Variants in ZFYVE26 observed in about 807,000 individuals in gnomAD.
ZFYVE26 encodes zinc finger FYVE domain-containing protein 26.
A neutral mutation model predicts 276.5 loss-of-function variants in ZFYVE26; 181 were observed. The observed-to-expected ratio is 0.65, with a 90% confidence interval of 0.58 to 0.74. The LOEUF (loss-of-function observed/expected upper bound fraction) is 0.74. ZFYVE26 is among the 30% of genes least tolerant of loss of function. The pLI is 0.00. For missense variants in ZFYVE26, 2,821 were observed against 3,097.9 expected, an observed-to-expected ratio of 0.91 and a Z score of 2.12; for synonymous variants, 1,129 against 1,203.1, an observed-to-expected ratio of 0.94 and a Z score of 1.27.
At chr14:67,738,235 A>G (rs2038374080) in intron 13 of ZFYVE26, among the ~76,000 whole-genome samples, 1 of 151,754 alleles carries the variant, frequency 6.6e-6, no homozygotes, top group Non-Finnish European at 1.5e-5. Context: ...GGCATTGTTC[A>G]TATTAGCAAA....
At position 67,804,086 on chromosome 14, in the gene ZFYVE26, T is replaced by C; in HGVS notation, c.1435+15A>G. On this transcript the variant is annotated intron_variant, in intron 9 of 41. Coordinates refer to ENST00000347230, the MANE Select transcript of ZFYVE26 (RefSeq NM_015346.4). ...TAAGAGGAAATCCTGGCCAGGTCAT[T>C]CCATCCCAACTCACCAGGCTCTTGC... is the stretch of plus-strand genomic sequence containing the variant. 6.2e-7 allele frequency: 1 copy of C among 1,613,838 alleles called. No individual in the cohort carries two copies. The highest frequency in any genetic ancestry group is 8.5e-7 in the Non-Finnish European group (1 of 1,180,018).
chr14:67,774,393 G>A (rs1293042551), intron 27 of ZFYVE26, among the ~76,000 whole-genome samples: 2 of 152,188 alleles, frequency 1.3e-5, no homozygotes, highest in African/African-American at 2.4e-5. Flanking sequence ...CAGCTACTCG[G>A]GAGGCTTAGG....
At chr14:67,757,640 GTCTTTCTTTCTTTCTTTCTTTCTTTCTT>G (rs57285258) in intron 35 of ZFYVE26, among the ~76,000 whole-genome samples, 42 of 149,018 alleles carry the variant, frequency 2.8e-4, no homozygotes, top group African/African-American at 9.5e-4. Context: ...AGATATTTTT[GTCTTTCTTTCTTTCTTTCTTTCTTTCTT>G]TCTTTCTTTC....
At chr14:67,738,133 T>G (rs2038372870) in intron 13 of ZFYVE26, among the ~76,000 whole-genome samples, 1 of 152,092 alleles carries the variant, frequency 6.6e-6, no homozygotes, top group Non-Finnish European at 1.5e-5. Context: ...TATACACTGC[T>G]GCTATGAGTG....
chr14:67,782,634 C>G (rs2140222269), intron 21 of ZFYVE26, 146 bp downstream of exon 21: 1 of 1,368,796 alleles, frequency 7.3e-7, no homozygotes, highest in African/African-American at 1.4e-5. Context: ...TTTCCTAACC[C>G]CTCTGAGACC....
chr14:67,803,401 G>C (rs773833363), intron 9 of ZFYVE26, among the ~76,000 whole-genome samples: 144 of 152,230 alleles, frequency 9.5e-4, no homozygotes, highest in Admixed American at 1.7e-3. Context: ...GAGTACAGTG[G>C]CACCATCTTG....
intron 18 of ZFYVE26, among the ~76,000 whole-genome samples, chr14:67,785,608 G>C (rs2039628653): frequency 6.6e-6 from 1 of 151,134 alleles, no homozygotes; most frequent in Admixed American, 6.6e-5. Flanking sequence ...CTAAGCACCT[G>C]CTGGCTGTAT....
rs1377743038 is a variant in ZFYVE26, at chr14:67,729,241, C to G, written n.3258G>C. The stretch of plus-strand genomic sequence containing the variant: ...GCACCCAGGCGTCGTCCGCTCTGAG[C>G]TGGTCCGGCACTCCTCCCTGCTCTG... On this transcript the variant is annotated non_coding_transcript_exon_variant, in exon 14 of 15. Transcript: ENST00000394455. The G allele has an allele frequency of 4.3e-6, 7 of 1,610,556 alleles. No homozygotes were observed. Among genetic ancestry groups the G allele is most frequent in the Non-Finnish European group, 5.9e-6 (7 of 1,180,000 alleles).
intron 3 of ZFYVE26, 119 bp from the exon 4 acceptor site, chr14:67,809,408 CTTTTTTTTTTTTTT>C: frequency 4.8e-6 from 1 of 208,310 alleles, no homozygotes; most frequent in Non-Finnish European, 8.0e-6. Context: ...ATGAAGCACT[CTTTTTTTTTTTTTT>C]TTTTTTTTTT....
Position 67,777,442 on chromosome 14 carries a change from G to C in ZFYVE26, c.4974+117C>G, listed in dbSNP as rs973799141. ...GGCAAAAGAGCCATTGAAAAGGCAA[G>C]TTCTGAAGAAGAGCTAGGCTCGCAG... On this transcript the variant is annotated intron_variant, in intron 25 of 41. Coordinates refer to ENST00000347230, the MANE Select transcript of ZFYVE26 (RefSeq NM_015346.4). 7.8e-6 allele frequency: 12 copies of C among 1,547,102 alleles called. No homozygotes were observed. In the Admixed American group the frequency reaches 1.0e-4, roughly 13 times the overall value.
rs1594886257 is a variant in ZFYVE26 at position 67,756,199 on chromosome 14, T to G, written c.6589-54A>C. On this transcript the variant is annotated intron_variant, in intron 35 of 41. Coordinates refer to ENST00000347230, the MANE Select transcript of ZFYVE26 (RefSeq NM_015346.4). ...AGTCTTGAGCCTGGTTCTGGCACTGTCTGGGATCCACTCTGAATTTCCTTC... is the reference window on the plus strand; with the variant it reads ...AGTCTTGAGCCTGGTTCTGGCACTGGCTGGGATCCACTCTGAATTTCCTTC... 4 of 1,579,698 alleles carry G rather than the reference T, an allele frequency of 2.5e-6. No homozygotes were observed. In the East Asian group the frequency reaches 8.9e-5, roughly 35 times the overall value.
rs764236139 is a variant in ZFYVE26 at position 67,783,039 on chromosome 14, C to A, written c.4113G>T (p.Leu1371=). 1.2e-6 allele frequency: 2 copies of A among 1,614,214 alleles called. No homozygotes were observed. Among genetic ancestry groups the A allele is most frequent in the South Asian group, 1.1e-5 (1 of 91,084 alleles). The part of the protein sequence containing the change: ...EQFPLFEAFL[L]AAWEPLRGSL... ...ACCCTCGCAGGGGCTCCCAGGCAGCCAGGAGGAAGGCCTCAAACAGAGGGA... is the reference window on the plus strand; with the variant it reads ...ACCCTCGCAGGGGCTCCCAGGCAGCAAGGAGGAAGGCCTCAAACAGAGGGA... Residue 1371 remains leucine (L), a synonymous_variant, in exon 21 of 42, where the codon CTG becomes CTT. Coordinates refer to ENST00000347230, the MANE Select transcript of ZFYVE26 (RefSeq NM_015346.4).
intron 13 of ZFYVE26, among the ~76,000 whole-genome samples, chr14:67,730,831 T>C (rs1785451065): frequency 6.6e-6 from 1 of 152,198 alleles, no homozygotes; most frequent in African/African-American, 2.4e-5. Context: ...CTTGAACTCC[T>C]GACGTCAGTT....
In ZFYVE26 at chr14:67,785,260, G is replaced by T; in HGVS notation, c.3322C>A (p.Leu1108Met). 6.2e-7 allele frequency: 1 copy of T among 1,608,788 alleles called. No homozygotes were observed. Among genetic ancestry groups the T allele is most frequent in the Non-Finnish European group, 8.5e-7 (1 of 1,177,326 alleles). Residue 1108 changes from leucine to methionine, a missense_variant, in exon 19 of 42, where the codon CTG (leucine) becomes ATG (methionine). Coordinates refer to ENST00000347230, the MANE Select transcript of ZFYVE26 (RefSeq NM_015346.4). ...LELPEPRTPPLSSLVEQAAQK... is the reference protein window; with the variant it reads ...LELPEPRTPPMSSLVEQAAQK... The stretch of plus-strand genomic sequence containing the variant: ...GCTGCCTGCTCCACCAGGGAAGACA[G>T]TGGAGGAGTCCTGGGCTCTGAGAGG...
chr14:67,802,121 C>T lies in ZFYVE26; in HGVS notation c.1597G>A (p.Ala533Thr), dbSNP rs551062468. 1.5e-3 allele frequency: 2,420 copies of T among 1,613,742 alleles called. 56 individuals carry two copies. In the South Asian group the frequency reaches 0.025, roughly 17 times the overall value. The change falls in exon 10 of 42, where the codon GCC (alanine) becomes ACC (threonine). Residue 533 changes from alanine to threonine, a missense_variant. By Grantham distance (58) the Ala-to-Thr change is moderately conservative (BLOSUM62 0). Transcript: ENST00000347230. ...DCKDSLSEDL[A>T]SATEPANDSL... ...TCATTCGCTGGCTCTGTAGCTGAGG[C>T]CAGGTCCTCAGAGAGGCTGTCTTTG...
chr14:67,811,064 G>A (rs2040291020), intron 3 of ZFYVE26, among the ~76,000 whole-genome samples: 1 of 152,196 alleles, frequency 6.6e-6, no homozygotes, highest in African/African-American at 2.4e-5. Context: ...TCAAGGCCAT[G>A]TGAATGCTTG....
At chr14:67,766,768 C>T (rs551421779) in intron 31 of ZFYVE26, among the ~76,000 whole-genome samples, 8 of 152,134 alleles carry the variant, frequency 5.3e-5, no homozygotes, top group Middle Eastern at 6.8e-3. Flanking sequence ...GGTGCGATCT[C>T]GGCTCACTGC....
In ZFYVE26 at chr14:67,799,265, T is replaced by G. The variant is rs1039751389; in HGVS notation, c.1640-643A>C. 3 of 1,613,074 alleles carry G rather than the reference T, an allele frequency of 1.9e-6. No individual in the cohort carries two copies. The East Asian group carries it at 6.7e-5, about 36-fold the overall frequency. On this transcript the variant is annotated intron_variant, in intron 10 of 41. Coordinates refer to ENST00000347230, the MANE Select transcript of ZFYVE26 (RefSeq NM_015346.4). The stretch of plus-strand genomic sequence containing the variant: ...GGGTGACATGGATCAGATCATGGAG[T>G]CTGTGCTTTGCGTGCAGTACACAGA...
chr14:67,772,006 A>G (rs769081564), intron 28 of ZFYVE26, 41 bp downstream of exon 28: 1 of 1,602,958 alleles, frequency 6.2e-7, no homozygotes, highest in East Asian at 2.2e-5. Flanking sequence ...ATTCTCCTTT[A>G]CCTTCTCCTG....
Sources: gnomAD v4.1 joint callset for allele counts (sites outside exome capture counted in the v4.1 genomes callset) on GRCh38, gnomAD v4.1.1 for gene constraint, MANE v1.5 for transcripts, NCBI Gene and HGNC (gene_info 2026-07-23, HGNC 2026-07-21) for gene names.